The following PRRX1 variants were observed in gnomAD, a reference collection of about 807,000 sequenced individuals.
The protein encoded by PRRX1 is paired related homeobox 1.
A neutral mutation model predicts 24.0 loss-of-function variants in PRRX1; 8 were observed. The ratio of observed to expected loss-of-function variants is 0.33; its 90% CI spans 0.20 to 0.60. The LOEUF is 0.60. Among genes scored for constraint, PRRX1 ranks in the 20% least tolerant of loss-of-function variants. The pLI is 0.82. For missense variants in PRRX1, 281 were observed against 322.4 expected, an observed-to-expected ratio of 0.87 and a Z score of 0.98; for synonymous variants, 160 against 131.7, an observed-to-expected ratio of 1.22 and a Z score of -1.47.
intron 1 of PRRX1, among the ~76,000 whole-genome samples, chr1:170,694,288 T>C (rs1571327722): frequency 6.6e-6 from 1 of 152,290 alleles, no homozygotes; most frequent in South Asian, 2.1e-4. Context: ...AGAGAGCTTA[T>C]AAATGATCAA....
intron 1 of PRRX1, among the ~76,000 whole-genome samples, chr1:170,665,157 G>A (rs1652874710): frequency 6.6e-6 from 1 of 152,208 alleles, no homozygotes; most frequent in Non-Finnish European, 1.5e-5. Context: ...GTCCTTTAAG[G>A]GTGAAACCTG....
At chr1:170,680,940 A>G (rs896966239) in intron 1 of PRRX1, among the ~76,000 whole-genome samples, 2 of 152,236 alleles carry the variant, frequency 1.3e-5, no homozygotes, top group Non-Finnish European at 2.9e-5. Context: ...ATGGGTATGT[A>G]AAATGTATCA....
chr1:170,710,349 C>G (rs190761134), intron 1 of PRRX1, among the ~76,000 whole-genome samples: 1 of 152,210 alleles, frequency 6.6e-6, no homozygotes, highest in East Asian at 1.9e-4. Context: ...GATCTTAGTC[C>G]CATAGCCCAA....
chr1:170,719,878 A>T lies in PRRX1; in HGVS notation c.394A>T (p.Asn132Tyr), dbSNP rs1571344045. The part of the protein sequence containing the change: ...FVREDLARRV[N>Y]LTEARVQVWF... ...GCGAGAAGACCTTGCCCGCCGGGTG[A>T]ACCTCACCGAGGCGAGAGTGCAGGT... The change falls in exon 2 of 4, where the codon AAC (asparagine) becomes TAC (tyrosine). Residue 132 changes from asparagine to tyrosine, a missense_variant. Transcript: ENST00000239461. The T allele has an allele frequency of 1.9e-6, 3 of 1,613,988 alleles. No homozygotes were observed. The highest frequency in any genetic ancestry group is 1.6e-4 in the Middle Eastern group (1 of 6,078).
At chr1:170,666,629 A>G (rs555755348) in intron 1 of PRRX1, among the ~76,000 whole-genome samples, 6 of 152,196 alleles carry the variant, frequency 3.9e-5, no homozygotes, top group African/African-American at 1.4e-4. Context: ...GGCAGGAGAG[A>G]CTAGATGCTG....
At chr1:170,719,949 G>A (rs751043168) in intron 2 of PRRX1, 48 bp downstream of exon 2, 38 of 1,603,716 alleles carry the variant, frequency 2.4e-5, no homozygotes, top group Non-Finnish European at 2.9e-5. Context: ...CCTCCTCAGA[G>A]GCACATCTCT....
chr1:170,664,095 C>T (rs1652823108), upstream of PRRX1: 1 of 994,266 alleles, frequency 1.0e-6, no homozygotes, highest in South Asian at 1.8e-5. Context: ...CTCCCTCTCT[C>T]TCTCTCTCTC....
intron 1 of PRRX1, among the ~76,000 whole-genome samples, chr1:170,669,944 G>C (rs9426907): frequency 0.12 from 17,893 of 152,256 alleles, 1,146 homozygotes; most frequent in African/African-American, 0.15. Context: ...ACAGGTGATA[G>C]AAGTGTTTTG....
At chr1:170,730,183 C>T in intron 3 of PRRX1, 2 of 1,061,786 alleles carry the variant, frequency 1.9e-6, no homozygotes, top group Non-Finnish European at 1.5e-6. Flanking sequence ...CCTCCCCATC[C>T]TTCTCCTCCC....
At chr1:170,734,720 T>G (rs554846506) in intron 3 of PRRX1, among the ~76,000 whole-genome samples, 20 of 152,116 alleles carry the variant, frequency 1.3e-4, no homozygotes, top group Non-Finnish European at 2.6e-4. Flanking sequence ...GATTTTAAAT[T>G]AAAGATGTAT....
chr1:170,670,003 T>C (rs906501322), intron 1 of PRRX1, among the ~76,000 whole-genome samples: 1 of 152,198 alleles, frequency 6.6e-6, no homozygotes, highest in Non-Finnish European at 1.5e-5. Flanking sequence ...GGGGCTCGCA[T>C]TCTCTATCTA....
chr1:170,702,150 T>C (rs1374817280), intron 1 of PRRX1, among the ~76,000 whole-genome samples: 2 of 152,194 alleles, frequency 1.3e-5, no homozygotes, highest in Non-Finnish European at 2.9e-5. Context: ...CGTATAAGAA[T>C]CTAATGCTAC....
At chr1:170,688,647 C>A (rs914363950) in intron 1 of PRRX1, among the ~76,000 whole-genome samples, 1 of 151,912 alleles carries the variant, frequency 6.6e-6, no homozygotes, top group Non-Finnish European at 1.5e-5. Flanking sequence ...CATTATAAGA[C>A]CAAAATAATA....
At chr1:170,668,068 T>A (rs1653012378) in intron 1 of PRRX1, 1 of 152,216 alleles carries the variant, frequency 6.6e-6, no homozygotes, top group Admixed American at 6.5e-5. Context: ...CTTTCACTTT[T>A]TACTGAGTCT....
At chr1:170,707,236 T>C (rs113984034) in intron 1 of PRRX1, among the ~76,000 whole-genome samples, 1 of 151,946 alleles carries the variant, frequency 6.6e-6, no homozygotes, top group East Asian at 1.9e-4. Context: ...AGATCTGTAG[T>C]AAAGGAATAA....
At chr1:170,734,492 A>G (rs183915201) in intron 3 of PRRX1, among the ~76,000 whole-genome samples, 1 of 152,274 alleles carries the variant, frequency 6.6e-6, no homozygotes, top group East Asian at 1.9e-4. Context: ...TCAAGTGCTA[A>G]AAGCAAAAGT....
intron 3 of PRRX1, chr1:170,730,204 C>A: frequency 8.0e-7 from 1 of 1,255,654 alleles, no homozygotes. Flanking sequence ...CTCATTTGAT[C>A]GTGGTCATGG....
chr1:170,735,642 G>T (rs1244970972), intron 3 of PRRX1, among the ~76,000 whole-genome samples: 2 of 152,162 alleles, frequency 1.3e-5, no homozygotes, highest in Non-Finnish European at 2.9e-5. Flanking sequence ...TCAAATGCTT[G>T]TTTCTATTCC....
chr1:170,680,084 T>C (rs1653459052), intron 1 of PRRX1, among the ~76,000 whole-genome samples: 1 of 152,226 alleles, frequency 6.6e-6, no homozygotes, highest in South Asian at 2.1e-4. Context: ...CCACTAGTAG[T>C]TTTGACATAT....
Sources: allele counts gnomAD v4.1 joint callset (sites outside exome capture counted in the v4.1 genomes callset), GRCh38; gene constraint gnomAD v4.1.1; transcripts MANE v1.5; gene names NCBI Gene and HGNC (gene_info 2026-07-23, HGNC 2026-07-21).